Variants in GRIK4 observed in about 807,000 individuals in gnomAD.
GRIK4 encodes glutamate receptor ionotropic, kainate 4.
Under a neutral mutation model 104.9 loss-of-function variants are expected in GRIK4, and 40 were observed. The observed-to-expected ratio is 0.38, with a 90% CI of 0.30 to 0.50. The LOEUF is 0.50. Ranked by LOEUF, GRIK4 falls within the 20% of genes least tolerant of loss-of-function variation. The pLI, the probability that GRIK4 is intolerant of heterozygous loss-of-function variation, is 0.93. For missense variants in GRIK4, 1,047 were observed against 1,308.1 expected, an observed-to-expected ratio of 0.80 and a Z score of 3.08; for synonymous variants, 485 against 524.9, an observed-to-expected ratio of 0.92 and a Z score of 1.04.
chr11:120,809,281 C>T (rs1952778685), intron 4 of GRIK4, among the ~76,000 whole-genome samples: 1 of 152,196 alleles, frequency 6.6e-6, no homozygotes, highest in Non-Finnish European at 1.5e-5. Context: ...CCATCATGGC[C>T]TTTTATTCCA....
intron 3 of GRIK4, among the ~76,000 whole-genome samples, chr11:120,689,244 G>A (rs12283240): frequency 0.096 from 14,643 of 151,844 alleles, 789 homozygotes; most frequent in South Asian, 0.13. Flanking sequence ...CCTTACCCTC[G>A]TCGAGCCTTC....
At chr11:120,821,391 T>G (rs1049282132) in intron 6 of GRIK4, among the ~76,000 whole-genome samples, 2 of 152,132 alleles carry the variant, frequency 1.3e-5, no homozygotes, top group East Asian at 3.8e-4. Flanking sequence ...CCTGATGCTG[T>G]GCCTAGGGGA....
At chr11:120,663,369 C>A (rs778981818) in intron 3 of GRIK4, among the ~76,000 whole-genome samples, 1 of 152,186 alleles carries the variant, frequency 6.6e-6, no homozygotes, top group African/African-American at 2.4e-5. Context: ...AGGGGCCTGG[C>A]TGGTGGCAGC....
chr11:120,846,034 T>C (rs971573318), intron 8 of GRIK4, among the ~76,000 whole-genome samples: 1 of 152,180 alleles, frequency 6.6e-6, no homozygotes, highest in African/African-American at 2.4e-5. Context: ...AAACCTGTGT[T>C]TTCCAAAGCT....
chr11:120,794,766 A>G (rs549368950), intron 3 of GRIK4, among the ~76,000 whole-genome samples: 1 of 152,278 alleles, frequency 6.6e-6, no homozygotes, highest in African/African-American at 2.4e-5. Context: ...TGGCAGCCCC[A>G]GCTGATGCTA....
At position 120,724,090 on chromosome 11, in the gene GRIK4, G is replaced by A. The variant is rs116878673; in HGVS notation, c.82+63690G>A. 2.5e-3 allele frequency among the ~76,000 whole-genome samples: 382 copies of A among 152,268 alleles called. 1 individual carries two copies. Among genetic ancestry groups the A allele is most frequent in the Non-Finnish European group, 4.3e-3 (295 of 68,022 alleles). ...CTTTTCATCTGTTTTCTTTCAGTTA[G>A]CGTAATGCATTTTACAATCATCCAT... On this transcript the variant is annotated intron_variant, in intron 3 of 20. Coordinates refer to ENST00000527524, the MANE Select transcript of GRIK4 (RefSeq NM_014619.5).
chr11:120,793,853 G>GT (rs1952451797), intron 3 of GRIK4, among the ~76,000 whole-genome samples: 2 of 149,770 alleles, frequency 1.3e-5, no homozygotes, highest in African/African-American at 5.0e-5. Flanking sequence ...GGGAAGGGCA[G>GT]TGTTAGGGCT....
chr11:120,960,251 TCCA>T (rs1311483948), intron 16 of GRIK4, among the ~76,000 whole-genome samples: 1 of 151,798 alleles, frequency 6.6e-6, no homozygotes, highest in African/African-American at 2.4e-5. Flanking sequence ...ATCACTTGAA[TCCA>T]CGAGGTGGAG....
chr11:120,741,798 C>T (rs1048266684), intron 3 of GRIK4, among the ~76,000 whole-genome samples: 6 of 152,160 alleles, frequency 3.9e-5, no homozygotes, highest in Non-Finnish European at 8.8e-5. Context: ...TCACATCAAC[C>T]AATTGTCATT....
chr11:120,638,773 G>A (rs1949432073), intron 1 of GRIK4, among the ~76,000 whole-genome samples: 1 of 151,980 alleles, frequency 6.6e-6, no homozygotes, highest in Non-Finnish European at 1.5e-5. Flanking sequence ...CACCGCGCCT[G>A]GCCCAGTGAT....
intron 1 of GRIK4, among the ~76,000 whole-genome samples, chr11:120,569,061 T>A (rs917910204): frequency 7.9e-5 from 12 of 152,122 alleles, no homozygotes; most frequent in African/African-American, 2.9e-4. Flanking sequence ...CTGAGGAGCA[T>A]TAGTGAGCGA....
chr11:120,736,862 G>C (rs1038791954), intron 3 of GRIK4, among the ~76,000 whole-genome samples: 1 of 151,708 alleles, frequency 6.6e-6, no homozygotes, highest in Non-Finnish European at 1.5e-5. Flanking sequence ...CTTATCCCCA[G>C]ATGTGGTTGT....
intron 8 of GRIK4, among the ~76,000 whole-genome samples, chr11:120,856,432 TA>T (rs1954107138): frequency 6.6e-6 from 1 of 152,120 alleles, no homozygotes; most frequent in African/African-American, 2.4e-5. Flanking sequence ...CGATCTCCAT[TA>T]AATAGCAGCT....
At chr11:120,611,649 C>G (rs1206088827) in intron 1 of GRIK4, among the ~76,000 whole-genome samples, 2 of 152,182 alleles carry the variant, frequency 1.3e-5, no homozygotes, top group African/African-American at 4.8e-5. Context: ...GCCCACTACC[C>G]CAGTCTCAGT....
intron 1 of GRIK4, among the ~76,000 whole-genome samples, chr11:120,570,188 C>T (rs1800340977): frequency 6.6e-6 from 1 of 152,212 alleles, no homozygotes; most frequent in African/African-American, 2.4e-5. Context: ...GCTCTACTGC[C>T]AACCACAGAG....
intron 6 of GRIK4, among the ~76,000 whole-genome samples, chr11:120,821,714 C>CAG (rs1953130664): frequency 6.6e-6 from 1 of 152,156 alleles, no homozygotes; most frequent in African/African-American, 2.4e-5. Context: ...ACAGGCAGAC[C>CAG]CTGAGTGGCA....
At chr11:120,567,126 C>T (rs556175766) in intron 1 of GRIK4, among the ~76,000 whole-genome samples, 1 of 151,390 alleles carries the variant, frequency 6.6e-6, no homozygotes, top group African/African-American at 2.4e-5. Context: ...TAGCTGGGAC[C>T]CCAGGCCATG....
chr11:120,871,326 C>A, intron 9 of GRIK4: 1 of 285,964 alleles, frequency 3.5e-6, no homozygotes, highest in Non-Finnish European at 7.0e-6. Flanking sequence ...CAGGGGAAAG[C>A]GAGTTACATG....
intron 3 of GRIK4, among the ~76,000 whole-genome samples, chr11:120,750,628 C>T (rs974407582): frequency 2.0e-4 from 31 of 152,196 alleles, no homozygotes; most frequent in African/African-American, 6.5e-4. Context: ...CTTGGCCTCC[C>T]GAAGTGATGG....
Sources: allele counts gnomAD v4.1 joint callset (sites outside exome capture counted in the v4.1 genomes callset), GRCh38; gene constraint gnomAD v4.1.1; transcripts MANE v1.5; gene names NCBI Gene and HGNC (gene_info 2026-07-23, HGNC 2026-07-21).